Variants in CHST9 observed in about 807,000 individuals in gnomAD.
CHST9 encodes carbohydrate sulfotransferase 9.
CHST9 carries 41 observed loss-of-function variants against 44.4 expected under a neutral mutation model. That is an observed-to-expected ratio of 0.92 (90% confidence interval 0.72 to 1.20). CHST9 has a LOEUF of 1.20. Among genes scored for constraint, CHST9 ranks in the 50% most tolerant of loss-of-function variants. The probability of loss-of-function intolerance (pLI) is 0.00; values close to 1 mark genes in which losing one functional copy is unlikely to be tolerated. For synonymous variants in CHST9, 171 were observed against 178.4 expected, an observed-to-expected ratio of 0.96 and a Z score of 0.33; for missense variants, 504 against 516.5, an observed-to-expected ratio of 0.98 and a Z score of 0.23.
At chr18:27,016,265 C>T (rs987310173) in intron 4 of CHST9, among the ~76,000 whole-genome samples, 5 of 152,176 alleles carry the variant, frequency 3.3e-5, no homozygotes, top group African/African-American at 1.2e-4. Flanking sequence ...TGCTCACCAC[C>T]GCCTCTTTCC....
chr18:27,048,715 A>T (rs12456126), intron 2 of CHST9, among the ~76,000 whole-genome samples: 50,728 of 152,134 alleles, frequency 0.33, 9,797 homozygotes, highest in Non-Finnish European at 0.45. Flanking sequence ...TATGCATTAA[A>T]TGTGCTGTTG....
intron 4 of CHST9, among the ~76,000 whole-genome samples, chr18:26,945,023 G>A (rs1428916664): frequency 6.6e-6 from 1 of 152,112 alleles, no homozygotes; most frequent in Admixed American, 6.5e-5. Flanking sequence ...TAGCCTGAAA[G>A]TGATCAACGT....
chr18:26,939,063 TGAACC>T (rs2056043226), intron 5 of CHST9, among the ~76,000 whole-genome samples: 1 of 152,182 alleles, frequency 6.6e-6, no homozygotes, highest in Non-Finnish European at 1.5e-5. Context: ...GACATGGAAA[TGAACC>T]AAACACAATC....
At chr18:27,106,922 A>T (rs1418029238) in intron 2 of CHST9, among the ~76,000 whole-genome samples, 3 of 152,202 alleles carry the variant, frequency 2.0e-5, no homozygotes, top group Non-Finnish European at 1.5e-5. Context: ...CCACTTAAAT[A>T]TCTCACTAGG....
At chr18:27,127,617 G>C (rs1207140229) in intron 2 of CHST9, among the ~76,000 whole-genome samples, 1 of 152,186 alleles carries the variant, frequency 6.6e-6, no homozygotes, top group Non-Finnish European at 1.5e-5. Context: ...GGGAAAATAT[G>C]GTTGAAAGAA....
chr18:27,083,671 T>A (rs1464749964), intron 2 of CHST9, among the ~76,000 whole-genome samples: 4 of 152,124 alleles, frequency 2.6e-5, no homozygotes, highest in African/African-American at 9.7e-5. Flanking sequence ...TTATTCCAAA[T>A]TGGGTGAATA....
intron 5 of CHST9, chr18:26,934,521 A>C (rs1324723260): frequency 6.6e-6 from 1 of 152,266 alleles, no homozygotes; most frequent in East Asian, 1.9e-4. Context: ...GGCGTGAGCC[A>C]CCGCGCCCGG....
chr18:27,068,059 A>T (rs1021611132), intron 2 of CHST9, among the ~76,000 whole-genome samples: 2 of 152,080 alleles, frequency 1.3e-5, no homozygotes, highest in African/African-American at 4.8e-5. Flanking sequence ...CCTAAAAGGG[A>T]AAATAAAGTG....
At chr18:26,922,252 C>A (rs539009763) in intron 5 of CHST9, among the ~76,000 whole-genome samples, 1 of 152,118 alleles carries the variant, frequency 6.6e-6, no homozygotes, top group African/African-American at 2.4e-5. Context: ...TTTCTTGGGA[C>A]GTTCAAAATC....
At chr18:27,061,104 C>T (rs528910895) in intron 2 of CHST9, among the ~76,000 whole-genome samples, 7 of 152,184 alleles carry the variant, frequency 4.6e-5, no homozygotes, top group Admixed American at 2.0e-4. Context: ...CTGGTGGCCA[C>T]AAGCAGATCA....
At chr18:27,099,105 A>T (rs918675422) in intron 2 of CHST9, among the ~76,000 whole-genome samples, 1 of 152,196 alleles carries the variant, frequency 6.6e-6, no homozygotes, top group Non-Finnish European at 1.5e-5. Context: ...TCTCTATTCA[A>T]TAAATGGTGT....
chr18:26,915,927 G>A lies in CHST9; in HGVS notation c.*332C>T, dbSNP rs1324281275. The A allele has an allele frequency of 4.9e-6, 1 of 204,670 alleles. No individual in the cohort carries two copies. Among genetic ancestry groups the A allele is most frequent in the African/African-American group, 2.4e-5 (1 of 42,422 alleles). The allele number at this position is 204,670 out of a possible 1,614,324, so 12.7% of individuals were successfully genotyped here. On this transcript the variant is annotated 3_prime_UTR_variant, in exon 6 of 6. Transcript: ENST00000618847. ...TTTCAGGATATAGACATACACTCATGCTATTTGAGATCCTTTTTTCCTACC... is the reference window on the plus strand; with the variant it reads ...TTTCAGGATATAGACATACACTCATACTATTTGAGATCCTTTTTTCCTACC...
chr18:27,054,664 C>G (rs557200730), intron 2 of CHST9, among the ~76,000 whole-genome samples: 23 of 152,248 alleles, frequency 1.5e-4, no homozygotes, highest in Non-Finnish European at 2.8e-4. Context: ...GAAGTAGTCT[C>G]TTAATCACAG....
intron 1 of CHST9, among the ~76,000 whole-genome samples, chr18:27,181,184 T>C (rs2058908943): frequency 1.3e-5 from 2 of 152,208 alleles, no homozygotes; most frequent in South Asian, 4.1e-4. Context: ...ACACAGAGGT[T>C]TTCTAAATTC....
chr18:27,026,187 A>T (rs2057283223), intron 3 of CHST9, among the ~76,000 whole-genome samples: 1 of 152,128 alleles, frequency 6.6e-6, no homozygotes, highest in South Asian at 2.1e-4. Context: ...TGGAGACCTG[A>T]TATTAGGGCA....
At chr18:27,045,882 A>G (rs1165698338) in intron 3 of CHST9, among the ~76,000 whole-genome samples, 2 of 152,102 alleles carry the variant, frequency 1.3e-5, no homozygotes, top group Non-Finnish European at 2.9e-5. Context: ...GTTTTATTCC[A>G]TAGTCCTGGC....
intron 1 of CHST9, among the ~76,000 whole-genome samples, chr18:27,177,193 A>AT (rs556450170): frequency 2.6e-5 from 4 of 151,948 alleles, no homozygotes; most frequent in East Asian, 1.9e-4. Context: ...ACACCTAAGC[A>AT]TTTTTTTTAA....
intron 3 of CHST9, among the ~76,000 whole-genome samples, chr18:27,033,267 G>C (rs538969456): frequency 1.2e-4 from 19 of 152,284 alleles, no homozygotes; most frequent in Non-Finnish European, 2.5e-4. Context: ...ATTACTTCCA[G>C]TTTGTCATCT....
intron 1 of CHST9, among the ~76,000 whole-genome samples, chr18:27,144,344 G>A (rs2058594488): frequency 6.6e-6 from 1 of 152,128 alleles, no homozygotes; most frequent in Non-Finnish European, 1.5e-5. Context: ...GTGGGAAATT[G>A]CTTGTCTGGT....
Sources: gnomAD v4.1 joint callset for allele counts (sites outside exome capture counted in the v4.1 genomes callset) on GRCh38, gnomAD v4.1.1 for gene constraint, MANE v1.5 for transcripts, NCBI Gene and HGNC (gene_info 2026-07-23, HGNC 2026-07-21) for gene names.